The following GPR176 variants were observed in gnomAD, a reference collection of about 807,000 sequenced individuals.
GPR176 encodes G protein-coupled receptor 176.
GPR176 carries 26 observed loss-of-function variants against 35.4 expected under a neutral mutation model. The ratio of observed to expected loss-of-function variants is 0.74; its 90% CI spans 0.54 to 1.02. GPR176 has a LOEUF of 1.02. GPR176 is among the 50% of genes least tolerant of loss of function. GPR176 has a pLI of 0.00. For missense variants in GPR176, 597 were observed against 665.3 expected (o/e 0.90, Z 1.13); for synonymous variants, 278 against 271.3 (o/e 1.02, Z -0.24).
intron 1 of GPR176, among the ~76,000 whole-genome samples, chr15:39,917,460 C>T (rs1363515162): frequency 1.0e-4 from 15 of 150,704 alleles, no homozygotes; most frequent in African/African-American, 3.2e-4. Flanking sequence ...CTCAGCCTCC[C>T]GAGTGGCTGG....
chr15:39,811,401 T>C (rs993275189), intron 1 of GPR176, among the ~76,000 whole-genome samples: 17 of 152,270 alleles, frequency 1.1e-4, no homozygotes, highest in African/African-American at 4.1e-4. Flanking sequence ...TGTTTCCTAT[T>C]GATCCCATCT....
chr15:39,909,196 A>T (rs1363060649), intron 1 of GPR176, among the ~76,000 whole-genome samples: 1 of 152,176 alleles, frequency 6.6e-6, no homozygotes, highest in African/African-American at 2.4e-5. Flanking sequence ...AATGTGGGGT[A>T]GGGGCTGGAT....
chr15:39,882,360 C>G (rs954848537), intron 1 of GPR176, among the ~76,000 whole-genome samples: 1 of 152,108 alleles, frequency 6.6e-6, no homozygotes, highest in Non-Finnish European at 1.5e-5. Context: ...TGTATTTTGC[C>G]TTATAGTTAA....
At chr15:39,802,373 C>A (rs773708722) in intron 2 of GPR176, 119 bp from the exon 3 acceptor site, 31 of 771,266 alleles carry the variant, frequency 4.0e-5, no homozygotes, top group Non-Finnish European at 6.0e-5. Context: ...CGGCCTAAGA[C>A]AGAAAAGCAC....
intron 1 of GPR176, among the ~76,000 whole-genome samples, chr15:39,859,399 A>T (rs2031447718): frequency 6.6e-6 from 1 of 152,104 alleles, no homozygotes; most frequent in Admixed American, 6.5e-5. Flanking sequence ...TAACAAGCAC[A>T]TAAAAAGATG....
At chr15:39,910,253 G>A (rs1004601741) in intron 1 of GPR176, among the ~76,000 whole-genome samples, 13 of 152,324 alleles carry the variant, frequency 8.5e-5, no homozygotes, top group African/African-American at 2.9e-4. Flanking sequence ...TTGGAGATAA[G>A]TCAAAGGTAC....
chr15:39,878,713 T>C (rs549479062), intron 1 of GPR176, among the ~76,000 whole-genome samples: 2 of 152,376 alleles, frequency 1.3e-5, no homozygotes, highest in East Asian at 1.9e-4. Context: ...CCCTTTTCCA[T>C]ATGGTTGTTC....
intron 1 of GPR176, among the ~76,000 whole-genome samples, chr15:39,918,434 C>A (rs1243395588): frequency 3.3e-5 from 5 of 152,022 alleles, no homozygotes; most frequent in Non-Finnish European, 7.4e-5. Flanking sequence ...AATATATATA[C>A]ATGTATGTAT....
chr15:39,877,551 T>TTC (rs1491196661), intron 1 of GPR176, among the ~76,000 whole-genome samples: 1 of 232 alleles, frequency 4.3e-3, no homozygotes, highest in Non-Finnish European at 0.012. Flanking sequence ...CTTCTTCTTC[T>TTC]TTTTTTTTTT....
At chr15:39,818,505 C>T (rs1184388303) in intron 1 of GPR176, among the ~76,000 whole-genome samples, 1 of 152,196 alleles carries the variant, frequency 6.6e-6, no homozygotes, top group Non-Finnish European at 1.5e-5. Flanking sequence ...TAGCAAGATT[C>T]ACTTCTGTAA....
chr15:39,825,905 A>G (rs1453302180), intron 1 of GPR176, among the ~76,000 whole-genome samples: 2 of 152,192 alleles, frequency 1.3e-5, no homozygotes, highest in East Asian at 1.9e-4. Context: ...ATGCATTACT[A>G]TAACATTTCT....
intron 1 of GPR176, among the ~76,000 whole-genome samples, chr15:39,864,046 C>A (rs2031723684): frequency 6.6e-6 from 1 of 152,110 alleles, no homozygotes; most frequent in Non-Finnish European, 1.5e-5. Flanking sequence ...TTTGAACTCT[C>A]AGAAAATAAA....
intron 2 of GPR176, among the ~76,000 whole-genome samples, chr15:39,805,563 C>T (rs749502201): frequency 4.3e-4 from 65 of 152,178 alleles, no homozygotes; most frequent in Admixed American, 7.9e-4. Flanking sequence ...TCCCCATGAA[C>T]GAGAATGTGG....
At chr15:39,905,447 CAAAAAAAA>C (rs35302123) in intron 1 of GPR176, among the ~76,000 whole-genome samples, 1 of 91,116 alleles carries the variant, frequency 1.1e-5, no homozygotes, top group Non-Finnish European at 2.4e-5. Context: ...CTCGTCTCTA[CAAAAAAAA>C]AAAAAAAAAA....
chr15:39,850,307 G>C (rs2030765302), intron 1 of GPR176, among the ~76,000 whole-genome samples: 1 of 152,050 alleles, frequency 6.6e-6, no homozygotes. Flanking sequence ...CATCTAAAGG[G>C]GCCACCATCA....
chr15:39,802,145 C>A lies in GPR176; in HGVS notation c.535G>T (p.Ala179Ser). Residue 179 changes from alanine (A) to serine (S), a missense_variant, in exon 3 of 3, where the codon GCA becomes TCA. Around this residue, in one of 3 missense-constraint regions of GPR176, gnomAD observed 220 missense variants for 297.6 expected, o/e 0.74. Transcript: ENST00000561100. ...HAVVASVPVF[A>S]VTNVADIYAT... The stretch of plus-strand genomic sequence containing the variant: ...TAGATGTCAGCCACATTGGTTACTG[C>A]AAACACAGGGACACTGGCCACCACT... 6.2e-7 allele frequency: 1 copy of A among 1,614,196 alleles called. No homozygotes were observed. Among genetic ancestry groups the A allele is most frequent in the Non-Finnish European group, 8.5e-7 (1 of 1,180,032 alleles).
intron 1 of GPR176, among the ~76,000 whole-genome samples, chr15:39,836,245 C>A (rs867449856): frequency 6.6e-6 from 1 of 152,206 alleles, no homozygotes. Context: ...AAATCTCATG[C>A]TGAAATGTGA....
rs552153172 is a variant in GPR176, at chr15:39,874,954, A to T, written c.172+44901T>A. Among the ~76,000 whole-genome samples, 4 of 152,328 alleles carry T rather than the reference A, an allele frequency of 2.6e-5. No homozygotes were observed. The South Asian group carries it at 8.3e-4, about 32-fold the overall frequency. ...GCTACTTGGGAGGCTGAGGCATGAG[A>T]TCACTTGAACCTGGGAGGCGTGGTT... On this transcript the variant is annotated intron_variant, in intron 1 of 2. Coordinates refer to ENST00000561100, the MANE Select transcript of GPR176 (RefSeq NM_007223.3).
chr15:39,807,227 G>A lies in GPR176; in HGVS notation c.204C>T (p.Arg68=), dbSNP rs749811949. 1 of 1,606,420 alleles carries A rather than the reference G, an allele frequency of 6.2e-7. No homozygotes were observed. The highest frequency in any genetic ancestry group is 8.5e-7 in the Non-Finnish European group (1 of 1,176,448). Residue 68 remains arginine, a synonymous_variant, in exon 2 of 3, where the codon CGC becomes CGT. Transcript: ENST00000561100. ...GNFMVLWSTC[R]TTVFKSVTNR... ...TGGTGACAGATTTGAACACGGTTGT[G>A]CGGCAAGTTGACCATAACACCATGA...
Sources: allele counts gnomAD v4.1 joint callset (sites outside exome capture counted in the v4.1 genomes callset), GRCh38; gene constraint gnomAD v4.1.1; regional missense constraint gnomAD v4.1.1; transcripts MANE v1.5; gene names NCBI Gene and HGNC (gene_info 2026-07-23, HGNC 2026-07-21).